Variants in FTO observed in about 807,000 individuals in gnomAD.
The protein encoded by FTO is alpha-ketoglutarate-dependent dioxygenase FTO.
FTO carries 47 observed loss-of-function variants against 63.9 expected under a neutral mutation model. That is an observed-to-expected ratio of 0.74 (90% confidence interval 0.58 to 0.94). The LOEUF (loss-of-function observed/expected upper bound fraction) is 0.94. Among genes scored for constraint, FTO ranks in the 40% least tolerant of loss-of-function variants. The pLI is 0.00. For missense variants in FTO, 562 were observed against 618.1 expected (o/e 0.91, Z 0.96); for synonymous variants, 207 against 224.4 (o/e 0.92, Z 0.69).
At chr16:54,088,233 A>C (rs1466938775) in intron 8 of FTO, among the ~76,000 whole-genome samples, 1 of 152,214 alleles carries the variant, frequency 6.6e-6, no homozygotes, top group Non-Finnish European at 1.5e-5. Context: ...ATGCCATACA[A>C]ATCAATACCC....
At chr16:53,900,608 C>CTTTTTTTTTTTT (rs752080961) in intron 7 of FTO, among the ~76,000 whole-genome samples, 1 of 67,194 alleles carries the variant, frequency 1.5e-5, no homozygotes, top group Admixed American at 2.3e-4. Flanking sequence ...TCATCTGCTC[C>CTTTTTTTTTTTT]TTTTTTTTTT....
At position 53,901,667 on chromosome 16, in the gene FTO, TGA is replaced by T. The variant is rs1167323287; in HGVS notation, c.1239+12718_1239+12719del. The stretch of plus-strand genomic sequence containing the variant: ...TTGTCAGTCACACCAATTGAAAGAC[TGA>T]GTAAATGTTCAGAACGTAAATGGCC... On this transcript the variant is annotated intron_variant, in intron 7 of 8. Coordinates refer to ENST00000471389, the MANE Select transcript of FTO (RefSeq NM_001080432.3). Among the ~76,000 whole-genome samples the T allele has an allele frequency of 2.0e-5, 3 of 152,266 alleles. No homozygotes were observed. In the East Asian group the frequency reaches 5.8e-4, roughly 30 times the overall value.
At chr16:53,740,676 C>T (rs1322665267) in intron 1 of FTO, among the ~76,000 whole-genome samples, 1 of 152,130 alleles carries the variant, frequency 6.6e-6, no homozygotes, top group Non-Finnish European at 1.5e-5. Flanking sequence ...ATCTCTGGCT[C>T]AGTTGACAGT....
At chr16:54,050,441 A>G (rs540177414) in intron 8 of FTO, among the ~76,000 whole-genome samples, 1 of 152,314 alleles carries the variant, frequency 6.6e-6, no homozygotes, top group Non-Finnish European at 1.5e-5. Context: ...AAGTAGCTTC[A>G]GATAATAGCT....
chr16:53,914,637 A>C (rs2151946620), intron 7 of FTO, among the ~76,000 whole-genome samples: 1 of 152,278 alleles, frequency 6.6e-6, no homozygotes, highest in African/African-American at 2.4e-5. Context: ...TTACTGGAAA[A>C]GCGCTTTGTG....
chr16:54,007,955 T>C (rs557435934), intron 8 of FTO, among the ~76,000 whole-genome samples: 195 of 152,366 alleles, frequency 1.3e-3, no homozygotes, highest in African/African-American at 4.4e-3. Flanking sequence ...TACTTTATTG[T>C]CACACTGTGA....
At chr16:54,105,811 GTGTA>G (rs753481081) in intron 8 of FTO, among the ~76,000 whole-genome samples, 234 of 91,714 alleles carry the variant, frequency 2.6e-3, no homozygotes, top group Middle Eastern at 9.1e-3. Flanking sequence ...GTGTGTGTGT[GTGTA>G]TGTTACATTT....
chr16:53,980,246 T>C (rs2083512742), intron 8 of FTO, among the ~76,000 whole-genome samples: 2 of 152,246 alleles, frequency 1.3e-5, no homozygotes, highest in African/African-American at 2.4e-5. Context: ...AGCTTGATGC[T>C]ATTGGGCTCC....
Position 53,934,102 on chromosome 16 carries a change from C to T in FTO, c.1357C>T (p.His453Tyr). Residue 453 changes from histidine to tyrosine, a missense_variant, in exon 8 of 9, where the codon CAT (histidine) becomes TAT (tyrosine). Physicochemically the swap from His to Tyr is moderately conservative, Grantham distance 83 (BLOSUM62 2). Coordinates refer to ENST00000471389, the MANE Select transcript of FTO (RefSeq NM_001080432.3). ...ACGCCAGAACCTGAGGAGAGAATGGCATGCCAGGTTAGTTCTGTTGTGAAA... is the reference window on the plus strand; with the variant it reads ...ACGCCAGAACCTGAGGAGAGAATGGTATGCCAGGTTAGTTCTGTTGTGAAA... ...TARQNLRREW[H>Y]ARCQSRIART... The T allele has an allele frequency of 6.2e-7, 1 of 1,614,152 alleles. No homozygotes were observed. The highest frequency in any genetic ancestry group is 8.5e-7 in the Non-Finnish European group (1 of 1,179,982).
chr16:53,750,996 G>A (rs1481354501), intron 1 of FTO, among the ~76,000 whole-genome samples: 1 of 152,150 alleles, frequency 6.6e-6, no homozygotes. Context: ...CCTAAGTATG[G>A]ACGTTTATTT....
At chr16:53,986,829 G>A (rs758642993) in intron 8 of FTO, among the ~76,000 whole-genome samples, 11 of 152,168 alleles carry the variant, frequency 7.2e-5, no homozygotes, top group Non-Finnish European at 1.0e-4. Flanking sequence ...TGAAGGTAAC[G>A]TTGTTATGTC....
Position 54,097,089 on chromosome 16 carries a change from C to T in FTO, c.1365-14673C>T, listed in dbSNP as rs552178396. 1.6e-4 allele frequency among the ~76,000 whole-genome samples: 24 copies of T among 152,208 alleles called. No homozygotes were observed. In the South Asian group the frequency reaches 4.6e-3, roughly 29 times the overall value. ...GATCACATGGGATAATGCATATGGACGTAAGCCATACTGTTTATATATATA... is the reference window on the plus strand; with the variant it reads ...GATCACATGGGATAATGCATATGGATGTAAGCCATACTGTTTATATATATA... On this transcript the variant is annotated intron_variant, in intron 8 of 8. Coordinates refer to ENST00000471389, the MANE Select transcript of FTO (RefSeq NM_001080432.3).
intron 8 of FTO, among the ~76,000 whole-genome samples, chr16:54,009,342 A>G (rs1311071118): frequency 2.0e-5 from 3 of 152,212 alleles, no homozygotes; most frequent in African/African-American, 7.2e-5. Flanking sequence ...CAAGTTTAAA[A>G]TGATAATCTA....
chr16:53,704,036 G>T, upstream of FTO: 2 of 850,994 alleles, frequency 2.4e-6, no homozygotes, highest in South Asian at 2.9e-5. Flanking sequence ...GTGTCGCCGC[G>T]GTGCATCCTG....
intron 4 of FTO, among the ~76,000 whole-genome samples, chr16:53,862,390 A>G (rs1041366727): frequency 9.9e-5 from 15 of 152,164 alleles, no homozygotes; most frequent in Admixed American, 5.2e-4. Flanking sequence ...CTGTTTGGAC[A>G]TTTGTAGTAT....
At chr16:53,767,436 T>C (rs1054364455) in intron 1 of FTO, among the ~76,000 whole-genome samples, 1 of 152,184 alleles carries the variant, frequency 6.6e-6, no homozygotes, top group African/African-American at 2.4e-5. Flanking sequence ...CACACCAGCA[T>C]GGCACATGTA....
At chr16:54,056,463 G>A (rs2085434875) in intron 8 of FTO, among the ~76,000 whole-genome samples, 1 of 152,216 alleles carries the variant, frequency 6.6e-6, no homozygotes, top group Non-Finnish European at 1.5e-5. Flanking sequence ...TCACAGCCTT[G>A]TGTAATGCCC....
chr16:54,039,183 C>T (rs1473063362), intron 8 of FTO, among the ~76,000 whole-genome samples: 1 of 152,226 alleles, frequency 6.6e-6, no homozygotes, highest in Non-Finnish European at 1.5e-5. Context: ...AAACCATTAA[C>T]TCCCAGACCC....
At position 53,911,455 on chromosome 16, in the gene FTO, A is replaced by G. The variant is rs761594967; in HGVS notation, c.1239+22504A>G. On this transcript the variant is annotated intron_variant, in intron 7 of 8. Transcript: ENST00000471389. Reference sequence around the variant, plus strand: ...AGTTAAGAAGTGGCCATACCGTTGCATTCATCATGGGAAGAATTTCAGTAG... The same window carrying G: ...AGTTAAGAAGTGGCCATACCGTTGCGTTCATCATGGGAAGAATTTCAGTAG... 1.0e-4 allele frequency: 70 copies of G among 703,030 alleles called. No individual in the cohort carries two copies. The African/African-American group carries it at 1.1e-3, about 11-fold the overall frequency. 43.5% of individuals were successfully genotyped at this position (703,030 alleles called of 1,614,324 possible).
Sources: allele counts gnomAD v4.1 joint callset (sites outside exome capture counted in the v4.1 genomes callset), GRCh38; gene constraint gnomAD v4.1.1; transcripts MANE v1.5; gene names NCBI Gene and HGNC (gene_info 2026-07-23, HGNC 2026-07-21).